The following CPED1 variants were observed in gnomAD, a reference collection of about 807,000 sequenced individuals.
The protein encoded by CPED1 is cadherin-like and PC-esterase domain-containing protein 1.
Under a neutral mutation model 128.2 loss-of-function variants are expected in CPED1, and 114 were observed. The observed-to-expected ratio is 0.89, with a 90% CI of 0.76 to 1.04. The LOEUF (loss-of-function observed/expected upper bound fraction) is 1.04, where lower values mean the gene tolerates loss of function less well. Among genes scored for constraint, CPED1 ranks in the 50% least tolerant of loss-of-function variants. CPED1 has a pLI of 0.00. For missense variants in CPED1, 1,211 were observed against 1,207.1 expected, an observed-to-expected ratio of 1.00 and a Z score of -0.05; for synonymous variants, 462 against 426.7, an observed-to-expected ratio of 1.08 and a Z score of -1.02.
At chr7:121,259,411 A>C (rs900290099) in intron 18 of CPED1, among the ~76,000 whole-genome samples, 1 of 152,078 alleles carries the variant, frequency 6.6e-6, no homozygotes, top group Non-Finnish European at 1.5e-5. Flanking sequence ...TTTGAACTCT[A>C]AATGTATCCA....
At chr7:121,025,020 C>A (rs1231358185) in intron 3 of CPED1, among the ~76,000 whole-genome samples, 1 of 151,996 alleles carries the variant, frequency 6.6e-6, no homozygotes, top group Non-Finnish European at 1.5e-5. Context: ...ACTATAGTTC[C>A]CAGACTCTTT....
intron 5 of CPED1, among the ~76,000 whole-genome samples, chr7:121,068,250 C>A (rs1308745035): frequency 6.6e-6 from 1 of 152,134 alleles, no homozygotes; most frequent in African/African-American, 2.4e-5. Context: ...GGTTTTAGGT[C>A]TAACATTTAA....
rs145932027 is a variant in CPED1, at chr7:121,143,761, A to G, written c.2055+1620A>G. Among the ~76,000 whole-genome samples, 724 of 152,136 alleles carry G rather than the reference A, an allele frequency of 4.8e-3. 5 individuals are homozygous for G. The highest frequency in any genetic ancestry group is 0.016 in the African/African-American group (685 of 41,552). On this transcript the variant is annotated intron_variant, in intron 16 of 22. Coordinates refer to ENST00000310396, the MANE Select transcript of CPED1 (RefSeq NM_024913.5). ...GACCACTTTGGAGAACTTTGGCAGTATCCACTAAAGCTAAATATGTATAAA... is the reference window on the plus strand; with the variant it reads ...GACCACTTTGGAGAACTTTGGCAGTGTCCACTAAAGCTAAATATGTATAAA...
chr7:121,031,297 G>T (rs1792724581), intron 3 of CPED1, among the ~76,000 whole-genome samples: 1 of 151,962 alleles, frequency 6.6e-6, no homozygotes, highest in South Asian at 2.1e-4. Flanking sequence ...CTGTGGGCCT[G>T]CCTGCCAACT....
chr7:121,044,272 G>A (rs1348277591), intron 3 of CPED1, among the ~76,000 whole-genome samples: 2 of 152,100 alleles, frequency 1.3e-5, no homozygotes, highest in Non-Finnish European at 2.9e-5. Flanking sequence ...AAAGTGAAAA[G>A]GTCTACTAAA....
At chr7:121,218,629 T>A (rs1797812465) in intron 16 of CPED1, among the ~76,000 whole-genome samples, 1 of 151,928 alleles carries the variant, frequency 6.6e-6, no homozygotes, top group African/African-American at 2.4e-5. Flanking sequence ...CAATTAAAAG[T>A]TTTACTCATA....
chr7:121,202,121 C>A (rs1797413549), intron 16 of CPED1, among the ~76,000 whole-genome samples: 1 of 152,152 alleles, frequency 6.6e-6, no homozygotes, highest in Admixed American at 6.5e-5. Context: ...CAGTAAGCAT[C>A]TCCAGAACAT....
At chr7:121,050,892 C>A in intron 4 of CPED1, 1 of 480,814 alleles carries the variant, frequency 2.1e-6, no homozygotes, top group South Asian at 1.5e-5. Flanking sequence ...CTGGCACGCA[C>A]CCTCCTCGTC....
chr7:121,087,478 G>C (rs1399918581), intron 5 of CPED1, among the ~76,000 whole-genome samples: 1 of 152,126 alleles, frequency 6.6e-6, no homozygotes, highest in African/African-American at 2.4e-5. Context: ...GGAAGGAAGA[G>C]GGGTATCTGT....
chr7:121,276,947 T>TGAGCAAGGAAGAC (rs1449177135), intron 22 of CPED1, among the ~76,000 whole-genome samples: 60 of 152,236 alleles, frequency 3.9e-4, no homozygotes, highest in Admixed American at 1.5e-3. Flanking sequence ...TTTCAAACAG[T>TGAGCAAGGAAGAC]TAAGACTAAT....
At chr7:121,092,264 T>C (rs992065711) in intron 5 of CPED1, among the ~76,000 whole-genome samples, 4 of 152,182 alleles carry the variant, frequency 2.6e-5, no homozygotes, top group Admixed American at 6.5e-5. Context: ...TCCCCACCCA[T>C]GTTATACACA....
At chr7:121,040,091 A>G (rs1182717269) in intron 3 of CPED1, among the ~76,000 whole-genome samples, 1 of 152,044 alleles carries the variant, frequency 6.6e-6, no homozygotes. Context: ...TTCTCTGTTG[A>G]GTAACATAAC....
chr7:121,207,015 C>A (rs1238274970), intron 16 of CPED1, among the ~76,000 whole-genome samples: 1 of 151,952 alleles, frequency 6.6e-6, no homozygotes, highest in Non-Finnish European at 1.5e-5. Flanking sequence ...TAGTGGCCTG[C>A]AACTTTCTTT....
intron 5 of CPED1, among the ~76,000 whole-genome samples, chr7:121,066,584 A>G: frequency 7.3e-6 from 1 of 136,778 alleles, no homozygotes; most frequent in East Asian, 2.2e-4. Context: ...CTAAGATTTT[A>G]TCTTTCGGTC....
intron 4 of CPED1, among the ~76,000 whole-genome samples, chr7:121,048,148 A>T (rs1442753421): frequency 6.6e-6 from 1 of 152,078 alleles, no homozygotes; most frequent in Non-Finnish European, 1.5e-5. Context: ...AAATTTCAAC[A>T]ACCATTTGTA....
At chr7:121,050,147 C>T (rs1257654936) in intron 4 of CPED1, among the ~76,000 whole-genome samples, 2 of 152,176 alleles carry the variant, frequency 1.3e-5, no homozygotes, top group East Asian at 1.9e-4. Flanking sequence ...GGCCTTCATC[C>T]TTGAGCCCTT....
At chr7:121,050,904 C>A (rs970915789) in intron 4 of CPED1, 2 of 483,662 alleles carry the variant, frequency 4.1e-6, no homozygotes, top group Admixed American at 2.3e-5. Flanking sequence ...CTCCTCGTCA[C>A]CAGGATGCCC....
chr7:121,005,550 T>C (rs193727), intron 2 of CPED1, among the ~76,000 whole-genome samples: 32,498 of 151,920 alleles, frequency 0.21, 3,722 homozygotes, highest in African/African-American at 0.24. Flanking sequence ...ATACCTAATG[T>C]AGATGACTGT....
At position 121,236,905 on chromosome 7, in the gene CPED1, C is replaced by T. The variant is rs906551861; in HGVS notation, c.2173+74C>T. The T allele has an allele frequency of 2.1e-5, 14 of 669,160 alleles. No individual in the cohort carries two copies. The African/African-American group carries it at 2.6e-4, about 12-fold the overall frequency. 41.5% of individuals were successfully genotyped at this position (669,160 alleles called of 1,614,324 possible). On this transcript the variant is annotated intron_variant, in intron 17 of 22. Transcript: ENST00000310396. ...ATAGATAAGTGTATGCTTATTTAAA[C>T]TATCCTTTTATAAAAAAACAAGGGC... is the stretch of plus-strand genomic sequence containing the variant.
Sources: allele counts gnomAD v4.1 joint callset (sites outside exome capture counted in the v4.1 genomes callset), GRCh38; gene constraint gnomAD v4.1.1; transcripts MANE v1.5; gene names NCBI Gene and HGNC (gene_info 2026-07-23, HGNC 2026-07-21).